HSPA12B: variants seen among roughly 807,000 people sequenced by gnomAD.
HSPA12B encodes heat shock protein family A (Hsp70) member 12B, also known as heat shock 70 kDa protein 12B.
In HSPA12B, 54 loss-of-function variants were observed where a neutral mutation model predicts 69.3. That is an observed-to-expected ratio of 0.78 (90% CI 0.63 to 0.98). The LOEUF (loss-of-function observed/expected upper bound fraction) is 0.98. HSPA12B is among the 50% of genes least tolerant of loss of function. The pLI is 0.00. For missense variants in HSPA12B, 929 were observed against 999.8 expected (o/e 0.93, Z 0.96); for synonymous variants, 441 against 436.5 (o/e 1.01, Z -0.13).
chr20:3,751,274 C>T (rs1435249546), intron 12 of HSPA12B: 4 of 985,366 alleles, frequency 4.1e-6, no homozygotes, highest in South Asian at 4.7e-5. Context: ...TATCTCTCGT[C>T]CTCCACGTCG....
Position 3,749,121 on chromosome 20 carries a change from C to A in HSPA12B, c.851-111C>A. ...CAGGAGCAGGTTGGAGTTTCAGGAGCACTGGCTGCTCCCAGTGCCCATGGA... is the reference window on the plus strand; with the variant it reads ...CAGGAGCAGGTTGGAGTTTCAGGAGAACTGGCTGCTCCCAGTGCCCATGGA... On this transcript the variant is annotated intron_variant, in intron 8 of 12. Coordinates refer to ENST00000254963, the MANE Select transcript of HSPA12B (RefSeq NM_052970.5). This position sits in a 1 kb window ranked among gnomAD's most constrained non-coding sequence, Gnocchi z 5.5. The A allele has an allele frequency of 1.1e-6, 1 of 876,060 alleles. No homozygotes were observed. Among genetic ancestry groups the A allele is most frequent in the Non-Finnish European group, 1.8e-6 (1 of 560,682 alleles). The allele number at this position is 876,060 out of a possible 1,614,324, so 54.3% of individuals were successfully genotyped here.
Position 3,749,370 on chromosome 20 carries a change from A to G in HSPA12B, c.937+52A>G. The G allele has an allele frequency of 6.7e-7, 1 of 1,490,154 alleles. No homozygotes were observed. Among genetic ancestry groups the G allele is most frequent in the Non-Finnish European group, 9.3e-7 (1 of 1,077,170 alleles). The allele number at this position is 1,490,154 out of a possible 1,614,324, so 92.3% of individuals were successfully genotyped here. ...ATCCTTGGCCCCTACCGGGCACCAT[A>G]TACTGATGGGGGGAAGGGCATGTTT... On this transcript the variant is annotated intron_variant, in intron 9 of 12. Coordinates refer to ENST00000254963, the MANE Select transcript of HSPA12B (RefSeq NM_052970.5). The surrounding 1 kb of genome is among the most constrained non-coding windows in gnomAD (Gnocchi z 5.5).
Position 3,750,797 on chromosome 20 carries a change from C to T in HSPA12B, c.1302-7C>T. The T allele has an allele frequency of 6.2e-7, 1 of 1,613,758 alleles. No homozygotes were observed. The stretch of plus-strand genomic sequence containing the variant: ...CGATGGATATTTGCCCCTTTCACCA[C>T]CAACAGCGTGAACTTCGTGAAGTGG... On this transcript the variant is annotated splice_region_variant and splice_polypyrimidine_tract_variant and intron_variant, in intron 11 of 12. Transcript: ENST00000254963.
chr20:3,739,168 T>C lies in HSPA12B; in HGVS notation c.43+451T>C, dbSNP rs143648088. Among the ~76,000 whole-genome samples the C allele has an allele frequency of 2.8e-4, 42 of 151,892 alleles. No individual in the cohort carries two copies. The East Asian group carries it at 7.2e-3, about 26-fold the overall frequency. ...ACGGGATCTGTGTACGGGAGTATAG[T>C]CTGCAGGTGGGCATGCATACAGAGA... On this transcript the variant is annotated intron_variant, in intron 2 of 12. Transcript: ENST00000254963.
At chr20:3,746,476 G>T (rs370793372) in intron 7 of HSPA12B, among the ~76,000 whole-genome samples, 1 of 151,886 alleles carries the variant, frequency 6.6e-6, no homozygotes, top group African/African-American at 2.4e-5. Context: ...CTAATTTTTT[G>T]TATTTTTAGT....
chr20:3,752,056 C>T lies in HSPA12B; in HGVS notation c.1951C>T (p.Arg651Cys). ...CACCGCCGGCGCGCCTCCCGGCCGC[C>T]GCGAGATCCGCGCCGCCATGCAGTT... is the stretch of plus-strand genomic sequence containing the variant. ...QDTAGAPPGRREIRAAMQFGD... is the reference protein window; with the variant it reads ...QDTAGAPPGRCEIRAAMQFGD... The change falls in exon 13 of 13, where the codon CGC (arginine) becomes TGC (cysteine). Residue 651 changes from arginine (R) to cysteine (C), a missense_variant. Transcript: ENST00000254963. The T allele has an allele frequency of 3.2e-6, 5 of 1,549,564 alleles. No homozygotes were observed. Among genetic ancestry groups the T allele is most frequent in the Non-Finnish European group, 4.3e-6 (5 of 1,154,420 alleles).
In HSPA12B at chr20:3,745,217, G is replaced by A; in HGVS notation, c.453+129G>A. 2.3e-6 allele frequency: 2 copies of A among 881,526 alleles called. No individual in the cohort carries two copies. The highest frequency in any genetic ancestry group is 3.3e-4 in the Middle Eastern group (1 of 3,044). 54.6% of individuals were successfully genotyped at this position (881,526 alleles called of 1,614,324 possible). ...TGGAGTCGTGGCTGAGAGGGGGCGG[G>A]GCTAAAGGGAGACGTCGGACTCCGG... is the stretch of plus-strand genomic sequence containing the variant. On this transcript the variant is annotated intron_variant, in intron 5 of 12. Coordinates refer to ENST00000254963, the MANE Select transcript of HSPA12B (RefSeq NM_052970.5). The surrounding 1 kb of genome is among the most constrained non-coding windows in gnomAD (Gnocchi z 5.6).
At chr20:3,750,710 G>C in intron 11 of HSPA12B, 94 bp from the exon 12 acceptor site, 1 of 1,598,256 alleles carries the variant, frequency 6.3e-7, no homozygotes, top group Non-Finnish European at 8.5e-7. Context: ...CTTCTGCCTG[G>C]AGGCAGAGGT....
chr20:3,739,539 G>A (rs1003413404), intron 2 of HSPA12B, among the ~76,000 whole-genome samples: 1 of 152,166 alleles, frequency 6.6e-6, no homozygotes, highest in Non-Finnish European at 1.5e-5. Flanking sequence ...TCCCAAGCTC[G>A]AGCCACAGCA....
At chr20:3,742,451 GAGTTCCTCATACCT>G (rs772496507) in intron 4 of HSPA12B, 43 bp downstream of exon 4, 1 of 1,486,844 alleles carries the variant, frequency 6.7e-7, no homozygotes, top group South Asian at 1.1e-5. Flanking sequence ...GGAAGGTGGG[GAGTTCCTCATACCT>G]TGGTCCCAAA....
chr20:3,748,224 TA>T lies in HSPA12B; in HGVS notation c.684del (p.Val229CysfsTer33). On this transcript the variant is annotated frameshift_variant, in exon 8 of 13. Coordinates refer to ENST00000254963, the MANE Select transcript of HSPA12B (RefSeq NM_052970.5). LOFTEE classifies it high-confidence loss of function. ...CCCACCACCCATCCCCAGGCTGGACTAGTGTCCCGAGAGAATGCAGAGCAGC... is the reference window on the plus strand; with the variant it reads ...CCCACCACCCATCCCCAGGCTGGACTGTGTCCCGAGAGAATGCAGAGCAGC... ...FMREAAYLAG[L>X]VSRENAEQLL... 6.4e-7 allele frequency: 1 copy of T among 1,569,184 alleles called. No individual in the cohort carries two copies. Among genetic ancestry groups the T allele is most frequent in the East Asian group, 2.4e-5 (1 of 42,452 alleles).
At position 3,737,451 on chromosome 20, in the gene HSPA12B, T is replaced by A. The variant is rs2088126527; in HGVS notation, c.-17-1207T>A. Among the ~76,000 whole-genome samples the A allele has an allele frequency of 6.6e-6, 1 of 151,092 alleles. No individual in the cohort carries two copies. The highest frequency in any genetic ancestry group is 2.4e-5 in the African/African-American group (1 of 41,022). On this transcript the variant is annotated intron_variant, in intron 1 of 12. Coordinates refer to ENST00000254963, the MANE Select transcript of HSPA12B (RefSeq NM_052970.5). The surrounding 1 kb of genome is among the most constrained non-coding windows in gnomAD (Gnocchi z 4.1). The stretch of plus-strand genomic sequence containing the variant: ...TCCAGCCTGGGCAACAGAGTGAAAC[T>A]CCATCTTAAGAAAAGAAGTTCTAGC...
intron 3 of HSPA12B, among the ~76,000 whole-genome samples, chr20:3,741,737 T>G (rs770735697): frequency 6.6e-6 from 1 of 152,168 alleles, no homozygotes; most frequent in African/African-American, 2.4e-5. Context: ...GTGATCCAGC[T>G]TAGGGACCCC....
At chr20:3,733,421 G>A (rs2146547064) in intron 1 of HSPA12B, among the ~76,000 whole-genome samples, 1 of 152,292 alleles carries the variant, frequency 6.6e-6, no homozygotes. Context: ...ACGCAGCGCA[G>A]GAATCCCAGG....
chr20:3,736,454 G>A (rs6107337), intron 1 of HSPA12B, among the ~76,000 whole-genome samples: 1 of 152,094 alleles, frequency 6.6e-6, no homozygotes, highest in Admixed American at 6.5e-5. Context: ...CAATGGGGCT[G>A]GTTTGTGTGA....
At position 3,748,344 on chromosome 20, in the gene HSPA12B, G is replaced by T; in HGVS notation, c.803G>T (p.Gly268Val). ...GACCTGAGTGGCCGGGCCCCAGGTGGTGGGCGCCTGGGTGAGCGCCGCTCC... is the reference window on the plus strand; with the variant it reads ...GACCTGAGTGGCCGGGCCCCAGGTGTTGGGCGCCTGGGTGAGCGCCGCTCC... ...LLDLSGRAPG[G>V]GRLGERRSID... The change falls in exon 8 of 13, where the codon GGT (glycine) becomes GTT (valine). Residue 268 changes from glycine (G) to valine (V), a missense_variant. Gly to Val is a moderately radical substitution (Grantham distance 109). Transcript: ENST00000254963. The T allele has an allele frequency of 6.2e-7, 1 of 1,609,984 alleles. No individual in the cohort carries two copies. Among genetic ancestry groups the T allele is most frequent in the Non-Finnish European group, 8.5e-7 (1 of 1,178,344 alleles).
intron 3 of HSPA12B, among the ~76,000 whole-genome samples, chr20:3,741,686 C>G (rs2088205365): frequency 6.6e-6 from 1 of 152,124 alleles, no homozygotes; most frequent in South Asian, 2.1e-4. Flanking sequence ...CTCCCCACCC[C>G]CAAGCTCCCT....
chr20:3,742,409 G>A lies in HSPA12B; in HGVS notation c.266+1G>A, dbSNP rs1312119931. The A allele has an allele frequency of 1.7e-5, 28 of 1,607,694 alleles. No individual in the cohort carries two copies. Among genetic ancestry groups the A allele is most frequent in the Non-Finnish European group, 2.4e-5 (28 of 1,174,718 alleles). ...ACCCTGAGGCCATCCACATGATGAG[G>A]TGAGGTCGGCTGGGCTGAGAGAGTG... On this transcript the variant is annotated splice_donor_variant, in intron 4 of 12. Coordinates refer to ENST00000254963, the MANE Select transcript of HSPA12B (RefSeq NM_052970.5). LOFTEE classifies it high-confidence loss of function.
At chr20:3,739,163 T>C (rs1298222085) in intron 2 of HSPA12B, among the ~76,000 whole-genome samples, 1 of 151,222 alleles carries the variant, frequency 6.6e-6, no homozygotes, top group Non-Finnish European at 1.5e-5. Flanking sequence ...TGTACGGGAG[T>C]ATAGTCTGCA....
Sources: gnomAD v4.1 joint callset for allele counts (sites outside exome capture counted in the v4.1 genomes callset) on GRCh38, gnomAD v4.1.1 for gene constraint, Gnocchi (gnomAD v3.1) non-coding constraint, MANE v1.5 for transcripts, NCBI Gene and HGNC (gene_info 2026-07-23, HGNC 2026-07-21) for gene names.